ITPR2: variants seen among roughly 807,000 people sequenced by gnomAD.
ITPR2 encodes inositol 1,4,5-trisphosphate receptor type 2.
ITPR2 carries 207 observed loss-of-function variants against 317.1 expected under a neutral mutation model. The ratio of observed to expected loss-of-function variants is 0.65; its 90% CI spans 0.58 to 0.73. The LOEUF is 0.73. Among genes scored for constraint, ITPR2 ranks in the 30% least tolerant of loss-of-function variants. The pLI is 0.00. For synonymous variants in ITPR2, 1,156 were observed against 1,149.1 expected, an observed-to-expected ratio of 1.01 and a Z score of -0.12; for missense variants, 2,613 against 3,284.0, an observed-to-expected ratio of 0.80 and a Z score of 4.99.
chr12:26,450,785 C>T (rs1354540780), intron 45 of ITPR2, among the ~76,000 whole-genome samples: 1 of 152,064 alleles, frequency 6.6e-6, no homozygotes, highest in Non-Finnish European at 1.5e-5. Flanking sequence ...GCTGTACGCA[C>T]TCTTTTCTCA....
intron 45 of ITPR2, among the ~76,000 whole-genome samples, chr12:26,444,003 A>G (rs181132341): frequency 2.0e-5 from 3 of 152,328 alleles, no homozygotes; most frequent in Admixed American, 6.5e-5. Context: ...TGGTGGGAAC[A>G]ATATAAATGT....
At chr12:26,411,594 A>G (rs992113870) in intron 51 of ITPR2, among the ~76,000 whole-genome samples, 182 bp from the exon 52 acceptor site, 1 of 152,212 alleles carries the variant, frequency 6.6e-6, no homozygotes, top group African/African-American at 2.4e-5. Context: ...GCAATTTTAT[A>G]AATGGAGAAT....
At chr12:26,631,700 C>A (rs965002282) in intron 22 of ITPR2, among the ~76,000 whole-genome samples, 166 bp downstream of exon 22, 3 of 151,870 alleles carry the variant, frequency 2.0e-5, no homozygotes, top group African/African-American at 7.3e-5. Context: ...TGTTAAATAG[C>A]GTCTGTGTGA....
chr12:26,797,207 T>C (rs564429717), intron 1 of ITPR2, among the ~76,000 whole-genome samples: 2 of 152,298 alleles, frequency 1.3e-5, no homozygotes, highest in African/African-American at 2.4e-5. Context: ...TTCCATTATA[T>C]AGATGCATAT....
At chr12:26,474,883 T>G (rs956140977) in intron 45 of ITPR2, among the ~76,000 whole-genome samples, 3 of 151,506 alleles carry the variant, frequency 2.0e-5, no homozygotes, top group African/African-American at 7.3e-5. Flanking sequence ...AGAAAGCATG[T>G]CAACCTACAA....
intron 32 of ITPR2, among the ~76,000 whole-genome samples, chr12:26,594,781 T>C (rs184493608): frequency 1.3e-5 from 2 of 151,998 alleles, no homozygotes; most frequent in Non-Finnish European, 2.9e-5. Flanking sequence ...AATTGTGTTG[T>C]CCATCAAAGA....
chr12:26,649,806 TAGATAGATAGATAGATAGAC>T (rs1161897322), intron 21 of ITPR2, among the ~76,000 whole-genome samples: 1 of 150,582 alleles, frequency 6.6e-6, no homozygotes, highest in African/African-American at 2.5e-5. Flanking sequence ...GATAGATAGA[TAGATAGATAGATAGATAGAC>T]AGACAGACAG....
At chr12:26,353,064 A>G (rs545763157) in intron 55 of ITPR2, among the ~76,000 whole-genome samples, 2 of 152,354 alleles carry the variant, frequency 1.3e-5, no homozygotes, top group South Asian at 2.1e-4. Flanking sequence ...GTTAAATTAA[A>G]TGACTGACCC....
chr12:26,429,917 T>C (rs1006832002), intron 48 of ITPR2, among the ~76,000 whole-genome samples: 2 of 152,338 alleles, frequency 1.3e-5, no homozygotes, highest in African/African-American at 2.4e-5. Flanking sequence ...TTGGCATAGA[T>C]AGTCACATTG....
chr12:26,564,936 T>C (rs1029940212), intron 34 of ITPR2, among the ~76,000 whole-genome samples: 2 of 152,170 alleles, frequency 1.3e-5, no homozygotes, highest in Admixed American at 1.3e-4. Context: ...GGAGAAAATA[T>C]CAAGTACTTC....
At chr12:26,687,989 T>C (rs1217190827) in intron 10 of ITPR2, among the ~76,000 whole-genome samples, 3 of 152,190 alleles carry the variant, frequency 2.0e-5, no homozygotes, top group Admixed American at 2.0e-4. Context: ...TAAGGGAGTA[T>C]GGGCATGTAG....
At chr12:26,761,248 C>A (rs1949627355) in intron 2 of ITPR2, among the ~76,000 whole-genome samples, 2 of 152,234 alleles carry the variant, frequency 1.3e-5, no homozygotes, top group Admixed American at 1.3e-4. Context: ...CCTGAGAAAT[C>A]CACCAGACAG....
intron 37 of ITPR2, among the ~76,000 whole-genome samples, chr12:26,515,100 A>G (rs1943450538): frequency 6.6e-6 from 1 of 152,214 alleles, no homozygotes; most frequent in South Asian, 2.1e-4. Flanking sequence ...ACAAGATCTT[A>G]CTCAGATTGA....
intron 9 of ITPR2, among the ~76,000 whole-genome samples, chr12:26,698,835 T>A (rs971895586): frequency 3.3e-5 from 5 of 152,026 alleles, no homozygotes; most frequent in Admixed American, 6.5e-5. Flanking sequence ...GAGCAAAGAG[T>A]GAGTTAACTG....
chr12:26,642,338 G>C (rs1947008944), intron 21 of ITPR2, among the ~76,000 whole-genome samples: 1 of 152,186 alleles, frequency 6.6e-6, no homozygotes, highest in Non-Finnish European at 1.5e-5. Context: ...TGGGAGGTGG[G>C]ACCTTTAAAG....
In ITPR2 at chr12:26,665,404, A is replaced by T. The variant is rs1223046178; in HGVS notation, c.1551+506T>A. 4.6e-5 allele frequency among the ~76,000 whole-genome samples: 7 copies of T among 152,316 alleles called. No homozygotes were observed. The South Asian group carries it at 6.2e-4, about 14-fold the overall frequency. On this transcript the variant is annotated intron_variant, in intron 14 of 56. Coordinates refer to ENST00000381340, the MANE Select transcript of ITPR2 (RefSeq NM_002223.4). Reference sequence around the variant, plus strand: ...TGGTCTCTGATATTCCTGCCTCCTGATATTCATAGCCTCATCGAATCCTCT... The same window carrying T: ...TGGTCTCTGATATTCCTGCCTCCTGTTATTCATAGCCTCATCGAATCCTCT...
intron 52 of ITPR2, among the ~76,000 whole-genome samples, chr12:26,405,165 A>AAGG (rs1418279822): frequency 2.0e-5 from 3 of 151,912 alleles, no homozygotes; most frequent in South Asian, 2.1e-4. Flanking sequence ...AAGAAGAAAG[A>AAGG]AGGAGGAGGA....
intron 35 of ITPR2, among the ~76,000 whole-genome samples, chr12:26,557,697 A>G (rs1324807290): frequency 6.6e-6 from 1 of 152,194 alleles, no homozygotes; most frequent in African/African-American, 2.4e-5. Context: ...GTGAAATGAT[A>G]TGGTCTTTAT....
At chr12:26,339,828 G>A (rs1372772486) in intron 56 of ITPR2, among the ~76,000 whole-genome samples, 1 of 152,098 alleles carries the variant, frequency 6.6e-6, no homozygotes, top group East Asian at 1.9e-4. Flanking sequence ...GCATTGAAAT[G>A]GCAGATACTA....
Sources: allele counts gnomAD v4.1 joint callset (sites outside exome capture counted in the v4.1 genomes callset), GRCh38; gene constraint gnomAD v4.1.1; transcripts MANE v1.5; gene names NCBI Gene and HGNC (gene_info 2026-07-23, HGNC 2026-07-21).